SPAG16: variants seen among roughly 807,000 people sequenced by gnomAD.
SPAG16 encodes sperm-associated antigen 16 protein.
A neutral mutation model predicts 80.4 loss-of-function variants in SPAG16; 86 were observed. That is an observed-to-expected ratio of 1.07 (90% CI 0.90 to 1.28). SPAG16 has a LOEUF of 1.28. SPAG16 is among the 50% of genes most tolerant of loss of function. SPAG16 has a pLI of 0.00. For missense variants in SPAG16, 870 were observed against 765.3 expected (o/e 1.14, Z -1.61); for synonymous variants, 294 against 265.9 (o/e 1.11, Z -1.03).
rs569706039 is a variant in SPAG16 at position 213,916,120 on chromosome 2, A to T, written c.1215-13840A>T. On this transcript the variant is annotated intron_variant, in intron 11 of 15. Transcript: ENST00000331683. ...TGTGCAGAAGCTCTTTAGTTTAATT[A>T]GATCCTATTAGTCTATTTTGGCTTT... is the stretch of plus-strand genomic sequence containing the variant. Among the ~76,000 whole-genome samples, 11 of 152,298 alleles carry T rather than the reference A, an allele frequency of 7.2e-5. No individual in the cohort carries two copies. The East Asian group carries it at 2.1e-3, about 29-fold the overall frequency.
intron 15 of SPAG16, among the ~76,000 whole-genome samples, chr2:214,199,548 T>A (rs534866258): frequency 6.6e-6 from 1 of 152,296 alleles, no homozygotes; most frequent in Non-Finnish European, 1.5e-5. Context: ...GCCTCTAGAT[T>A]TGTTCTTTTT....
At chr2:214,127,352 G>T (rs2054543886) in intron 14 of SPAG16, among the ~76,000 whole-genome samples, 1 of 151,730 alleles carries the variant, frequency 6.6e-6, no homozygotes, top group African/African-American at 2.4e-5. Flanking sequence ...AGTTTCTTAT[G>T]TAAATTTATG....
intron 8 of SPAG16, among the ~76,000 whole-genome samples, chr2:213,369,161 T>A (rs1575396325): frequency 6.6e-6 from 1 of 152,200 alleles, no homozygotes; most frequent in South Asian, 2.1e-4. Context: ...CATTTTAAGA[T>A]GCAGGCAAGC....
At chr2:213,449,370 G>A (rs1463567556) in intron 9 of SPAG16, among the ~76,000 whole-genome samples, 1 of 152,072 alleles carries the variant, frequency 6.6e-6, no homozygotes, top group South Asian at 2.1e-4. Context: ...ATCTTTGTTA[G>A]ACCCTTATTG....
chr2:214,066,657 T>G (rs2050544008), intron 13 of SPAG16, among the ~76,000 whole-genome samples: 1 of 152,110 alleles, frequency 6.6e-6, no homozygotes, highest in Non-Finnish European at 1.5e-5. Context: ...AATATGTTGT[T>G]TACTGAAAAA....
intron 13 of SPAG16, among the ~76,000 whole-genome samples, chr2:214,055,665 A>C (rs964122760): frequency 1.3e-5 from 2 of 152,182 alleles, no homozygotes; most frequent in African/African-American, 2.4e-5. Flanking sequence ...TAAAAATTAC[A>C]AAATTAGGAT....
At chr2:214,155,222 A>G (rs1414787061) in intron 15 of SPAG16, among the ~76,000 whole-genome samples, 1 of 152,174 alleles carries the variant, frequency 6.6e-6, no homozygotes. Flanking sequence ...GAGGCCAGAA[A>G]AAAATCTATC....
At chr2:213,773,162 TA>T (rs1326681850) in intron 10 of SPAG16, among the ~76,000 whole-genome samples, 1 of 152,166 alleles carries the variant, frequency 6.6e-6, no homozygotes, top group Non-Finnish European at 1.5e-5. Flanking sequence ...TAGTGTCTTA[TA>T]ATTTTGTTTT....
At chr2:213,574,043 A>G (rs1017734431) in intron 10 of SPAG16, among the ~76,000 whole-genome samples, 2 of 152,312 alleles carry the variant, frequency 1.3e-5, no homozygotes, top group Non-Finnish European at 2.9e-5. Context: ...TACCCAGACT[A>G]TAATTTGAGA....
intron 10 of SPAG16, among the ~76,000 whole-genome samples, chr2:213,718,956 G>A (rs1484675326): frequency 6.6e-6 from 1 of 152,252 alleles, no homozygotes; most frequent in Non-Finnish European, 1.5e-5. Flanking sequence ...CTGGGCTCCT[G>A]AGTCTGGTGG....
intron 9 of SPAG16, among the ~76,000 whole-genome samples, chr2:213,468,231 G>T (rs2072817557): frequency 6.6e-6 from 1 of 151,888 alleles, no homozygotes; most frequent in African/African-American, 2.4e-5. Flanking sequence ...ATAGTTTGGA[G>T]TAATTGAGAG....
At chr2:214,022,366 G>T (rs1473754931) in intron 13 of SPAG16, among the ~76,000 whole-genome samples, 2 of 152,044 alleles carry the variant, frequency 1.3e-5, no homozygotes, top group African/African-American at 2.4e-5. Flanking sequence ...CCCAAAATTT[G>T]CTGCTTATTT....
chr2:213,695,454 T>C (rs2065119395), intron 10 of SPAG16, among the ~76,000 whole-genome samples: 1 of 152,208 alleles, frequency 6.6e-6, no homozygotes, highest in African/African-American at 2.4e-5. Flanking sequence ...CAGGTACTGT[T>C]CTGGGCTCTT....
At chr2:214,122,428 C>T (rs2054266780) in intron 14 of SPAG16, among the ~76,000 whole-genome samples, 1 of 151,646 alleles carries the variant, frequency 6.6e-6, no homozygotes, top group Non-Finnish European at 1.5e-5. Context: ...TTTAAAAAAC[C>T]AGTGATAAAC....
intron 11 of SPAG16, among the ~76,000 whole-genome samples, chr2:213,886,044 T>C (rs1218239445): frequency 2.0e-5 from 3 of 152,148 alleles, no homozygotes; most frequent in Non-Finnish European, 4.4e-5. Flanking sequence ...GGGTATGATC[T>C]AGTGCTAATT....
chr2:214,088,827 G>A (rs2051963652), intron 13 of SPAG16, among the ~76,000 whole-genome samples: 2 of 151,794 alleles, frequency 1.3e-5, no homozygotes, highest in Non-Finnish European at 2.9e-5. Flanking sequence ...ACTATTCCAG[G>A]ATCTGAAAAA....
intron 15 of SPAG16, among the ~76,000 whole-genome samples, chr2:214,176,100 T>G (rs2057069611): frequency 6.6e-6 from 1 of 151,496 alleles, no homozygotes; most frequent in African/African-American, 2.4e-5. Context: ...CATCTTTTAA[T>G]GTATGGATAC....
At chr2:213,630,748 A>G (rs1038208530) in intron 10 of SPAG16, among the ~76,000 whole-genome samples, 4 of 152,212 alleles carry the variant, frequency 2.6e-5, no homozygotes, top group Non-Finnish European at 5.9e-5. Flanking sequence ...TAGTAAGGGC[A>G]GAGAGTACTT....
At chr2:214,223,838 A>G (rs537537066) in intron 15 of SPAG16, among the ~76,000 whole-genome samples, 1 of 152,306 alleles carries the variant, frequency 6.6e-6, no homozygotes, top group East Asian at 1.9e-4. Flanking sequence ...AGTGACTGCT[A>G]TACTAATAAA....
Sources: gnomAD v4.1 joint callset for allele counts (sites outside exome capture counted in the v4.1 genomes callset) on GRCh38, gnomAD v4.1.1 for gene constraint, MANE v1.5 for transcripts, NCBI Gene and HGNC (gene_info 2026-07-23, HGNC 2026-07-21) for gene names.